Variants in MAMDC2 observed in about 807,000 individuals in gnomAD.
MAMDC2 encodes MAM domain-containing protein 2.
In MAMDC2, 57 loss-of-function variants were observed where a neutral mutation model predicts 89.8. The observed-to-expected ratio is 0.63, with a 90% confidence interval of 0.51 to 0.79. The LOEUF (loss-of-function observed/expected upper bound fraction) is 0.79. Ranked by LOEUF, MAMDC2 falls within the 30% of genes least tolerant of loss-of-function variation. MAMDC2 has a pLI of 0.00. For synonymous variants in MAMDC2, 313 were observed against 293.4 expected (o/e 1.07, Z -0.68); for missense variants, 800 against 820.6 (o/e 0.97, Z 0.31).
chr9:70,161,848 T>A (rs539368590), intron 9 of MAMDC2, among the ~76,000 whole-genome samples: 2 of 152,322 alleles, frequency 1.3e-5, no homozygotes, highest in South Asian at 4.1e-4. Context: ...CCACCAACTC[T>A]GTAGTTGTCG....
At chr9:70,205,678 C>G (rs898881745) in intron 11 of MAMDC2, among the ~76,000 whole-genome samples, 8 of 152,202 alleles carry the variant, frequency 5.3e-5, no homozygotes, top group Admixed American at 2.6e-4. Flanking sequence ...GAACCCCCAT[C>G]TTGAATGTTA....
chr9:70,140,249 C>T lies in MAMDC2; in HGVS notation c.1099C>T (p.Pro367Ser), dbSNP rs1371225155. Residue 367 changes from proline (P) to serine (S), a missense_variant, in exon 8 of 14, where the codon CCA becomes TCA. Pro to Ser is a moderately conservative substitution (Grantham distance 74, BLOSUM62 -1). Coordinates refer to ENST00000377182, the MANE Select transcript of MAMDC2 (RefSeq NM_153267.5). Reference sequence around the variant, plus strand: ...AGGTTGGACCCGAGTGAAAGTAAAACCAAACATGTATCGGGCTGGAGACCA... The same window carrying T: ...AGGTTGGACCCGAGTGAAAGTAAAATCAAACATGTATCGGGCTGGAGACCA... ...GPGWTRVKVK[P>S]NMYRAGDHTT... is the part of the protein sequence containing the mutation. The T allele has an allele frequency of 1.2e-6, 2 of 1,601,196 alleles. No homozygotes were observed. Among genetic ancestry groups the T allele is most frequent in the Non-Finnish European group, 1.7e-6 (2 of 1,175,622 alleles).
At chr9:70,177,823 G>C (rs1020343355) in intron 11 of MAMDC2, among the ~76,000 whole-genome samples, 1 of 152,184 alleles carries the variant, frequency 6.6e-6, no homozygotes, top group African/African-American at 2.4e-5. Flanking sequence ...GCCTGGAACA[G>C]CTGTGACAAC....
At chr9:70,084,371 A>G (rs1256267879) in intron 2 of MAMDC2, among the ~76,000 whole-genome samples, 2 of 152,100 alleles carry the variant, frequency 1.3e-5, no homozygotes, top group African/African-American at 2.4e-5. Context: ...TGTTTTGTTT[A>G]CAGCTCTATC....
In MAMDC2 at chr9:70,170,474, T is replaced by C; in HGVS notation, c.1499-5T>C. The C allele has an allele frequency of 6.2e-7, 1 of 1,600,830 alleles. No homozygotes were observed. Among genetic ancestry groups the C allele is most frequent in the Admixed American group, 1.7e-5 (1 of 57,652 alleles). On this transcript the variant is annotated splice_region_variant and splice_polypyrimidine_tract_variant and intron_variant, in intron 10 of 13. Coordinates refer to ENST00000377182, the MANE Select transcript of MAMDC2 (RefSeq NM_153267.5). ...GTGATTGCAACATCTGCTATTTTCT[T>C]GCAGAGAAACTTCCACCTCCACCTG...
chr9:70,045,278 C>A (rs192119643), intron 2 of MAMDC2, among the ~76,000 whole-genome samples: 30 of 152,304 alleles, frequency 2.0e-4, no homozygotes, highest in Middle Eastern at 3.4e-3. Context: ...TGCCTGGGGT[C>A]CCTGTCTCAC....
intron 2 of MAMDC2, chr9:70,071,594 G>T (rs1269253421): frequency 2.0e-5 from 3 of 152,098 alleles, no homozygotes; most frequent in Non-Finnish European, 4.4e-5. Context: ...CATACGTGAG[G>T]TGTTATTTTT....
At chr9:70,069,777 G>GAGTT (rs1418055844) in intron 2 of MAMDC2, among the ~76,000 whole-genome samples, 2 of 152,208 alleles carry the variant, frequency 1.3e-5, no homozygotes, top group Non-Finnish European at 2.9e-5. Context: ...TGCTCCTGAA[G>GAGTT]AGTTACAGGA....
intron 2 of MAMDC2, among the ~76,000 whole-genome samples, chr9:70,050,584 C>T (rs547012542): frequency 2.0e-5 from 3 of 152,286 alleles, no homozygotes; most frequent in South Asian, 2.1e-4. Flanking sequence ...TACATTAATA[C>T]GTTTAACACA....
chr9:70,103,453 T>C (rs1416059721), intron 2 of MAMDC2, among the ~76,000 whole-genome samples: 3 of 152,014 alleles, frequency 2.0e-5, no homozygotes, highest in Non-Finnish European at 4.4e-5. Flanking sequence ...CCTCAACTGA[T>C]TTCAACAATG....
At chr9:70,053,464 A>C (rs1372704506) in intron 2 of MAMDC2, among the ~76,000 whole-genome samples, 1 of 152,232 alleles carries the variant, frequency 6.6e-6, no homozygotes, top group Admixed American at 6.5e-5. Flanking sequence ...ACATGAGTAC[A>C]CACTCCATAG....
At chr9:70,181,029 T>C (rs1563989623) in intron 11 of MAMDC2, among the ~76,000 whole-genome samples, 1 of 152,250 alleles carries the variant, frequency 6.6e-6, no homozygotes, top group African/African-American at 2.4e-5. Flanking sequence ...TAATTTTGTA[T>C]AAGGTGTAAG....
intron 6 of MAMDC2, among the ~76,000 whole-genome samples, chr9:70,128,783 A>T (rs1247359966): frequency 6.6e-6 from 1 of 152,078 alleles, no homozygotes; most frequent in East Asian, 1.9e-4. Flanking sequence ...CAGCCTCCCA[A>T]GTAGTTGGGA....
chr9:70,175,010 G>A (rs1221565379), intron 11 of MAMDC2, among the ~76,000 whole-genome samples: 2 of 152,188 alleles, frequency 1.3e-5, no homozygotes, highest in South Asian at 2.1e-4. Flanking sequence ...ATAGGCATGA[G>A]CCACTGTGCC....
chr9:70,155,382 C>A lies in MAMDC2; in HGVS notation c.1404+11563C>A, dbSNP rs891737432. On this transcript the variant is annotated intron_variant, in intron 9 of 13. Transcript: ENST00000377182. ...AGTTCTGTTCCTCTCTGAATCTTCA[C>A]CTGCCTCTCTTCATCTCCTGATCAA... 2.0e-5 allele frequency among the ~76,000 whole-genome samples: 3 copies of A among 152,160 alleles called. No homozygotes were observed. In the East Asian group the frequency reaches 5.8e-4, roughly 29 times the overall value.
intron 2 of MAMDC2, among the ~76,000 whole-genome samples, chr9:70,045,301 T>C (rs1424840113): frequency 6.6e-6 from 1 of 152,190 alleles, no homozygotes; most frequent in Non-Finnish European, 1.5e-5. Flanking sequence ...GTGGTCATTG[T>C]CTTACTACTC....
At chr9:70,047,967 C>T (rs920555067) in intron 2 of MAMDC2, among the ~76,000 whole-genome samples, 7 of 152,186 alleles carry the variant, frequency 4.6e-5, no homozygotes, top group Non-Finnish European at 8.8e-5. Flanking sequence ...TTTATCTCCA[C>T]TGGACACAGA....
At chr9:70,070,965 A>G (rs575071992) in intron 2 of MAMDC2, among the ~76,000 whole-genome samples, 32 of 152,240 alleles carry the variant, frequency 2.1e-4, no homozygotes, top group Non-Finnish European at 3.8e-4. Flanking sequence ...ATCATGATCA[A>G]TTAAATATTT....
chr9:70,214,478 G>A (rs2033410133), intron 11 of MAMDC2, among the ~76,000 whole-genome samples: 1 of 152,244 alleles, frequency 6.6e-6, no homozygotes, highest in Admixed American at 6.5e-5. Context: ...AAGAGAATAG[G>A]TGGGAGACTG....
Sources: allele counts gnomAD v4.1 joint callset (sites outside exome capture counted in the v4.1 genomes callset), GRCh38; gene constraint gnomAD v4.1.1; transcripts MANE v1.5; gene names NCBI Gene and HGNC (gene_info 2026-07-23, HGNC 2026-07-21).